Variants in PCDH15 observed in about 807,000 individuals in gnomAD.
PCDH15 encodes protocadherin related 15.
Under a neutral mutation model 178.5 loss-of-function variants are expected in PCDH15, and 129 were observed. That is an observed-to-expected ratio of 0.72 (90% CI 0.63 to 0.84). The LOEUF is 0.84. PCDH15 is among the 40% of genes least tolerant of loss of function. The probability of loss-of-function intolerance (pLI) is 0.00; values close to 1 mark genes in which losing one functional copy is unlikely to be tolerated. For missense variants in PCDH15, 2,230 were observed against 2,099.9 expected, an observed-to-expected ratio of 1.06 and a Z score of -1.21; for synonymous variants, 800 against 732.0, an observed-to-expected ratio of 1.09 and a Z score of -1.50.
chr10:54,731,557 T>TACAC (rs1566067357), intron 1 of PCDH15, among the ~76,000 whole-genome samples: 6 of 48,886 alleles, frequency 1.2e-4, no homozygotes, highest in African/African-American at 2.8e-4. Context: ...TATATATATA[T>TACAC]ATATATACAC....
intron 2 of PCDH15, among the ~76,000 whole-genome samples, chr10:55,396,353 A>T (rs1215124750): frequency 6.6e-6 from 1 of 152,220 alleles, no homozygotes; most frequent in African/African-American, 2.4e-5. Flanking sequence ...TATCTATATA[A>T]ACTATGTTTC....
intron 15 of PCDH15, among the ~76,000 whole-genome samples, chr10:54,116,548 G>C (rs1564457018): frequency 6.6e-6 from 1 of 152,196 alleles, no homozygotes; most frequent in Non-Finnish European, 1.5e-5. Context: ...AGCACATAGG[G>C]AAATTATGAA....
intron 26 of PCDH15, among the ~76,000 whole-genome samples, chr10:53,870,895 A>G (rs2079794000): frequency 1.3e-5 from 2 of 152,306 alleles, no homozygotes; most frequent in African/African-American, 4.8e-5. Context: ...ATCTGGGTCA[A>G]TATGTGAAAA....
At chr10:54,858,061 C>A (rs1342687337) in intron 3 of PCDH15, among the ~76,000 whole-genome samples, 2 of 152,098 alleles carry the variant, frequency 1.3e-5, no homozygotes, top group African/African-American at 4.8e-5. Flanking sequence ...CTAATTGAAA[C>A]CTTATACCTT....
chr10:54,600,933 G>A (rs1176938049), intron 2 of PCDH15, among the ~76,000 whole-genome samples: 1 of 152,002 alleles, frequency 6.6e-6, no homozygotes, highest in Non-Finnish European at 1.5e-5. Context: ...TCACTCAGAA[G>A]GGGAGATGTC....
At position 54,522,087 on chromosome 10, in the gene PCDH15, CAA is replaced by C. The variant is rs11313978; in HGVS notation, c.157+5723_157+5724del. On this transcript the variant is annotated intron_variant, in intron 3 of 37. Coordinates refer to ENST00000644397, the MANE Select transcript of PCDH15 (RefSeq NM_001384140.1). ...TGAGTGACAGAGTGAGAATCCATCTCAAAAAAAAAAAAAAAAAAAAAAAGGAA... is the reference window on the plus strand; with the variant it reads ...TGAGTGACAGAGTGAGAATCCATCTCAAAAAAAAAAAAAAAAAAAAAGGAA... Among the ~76,000 whole-genome samples, 360 of 58,840 alleles carry C rather than the reference CAA, an allele frequency of 6.1e-3. 2 individuals carry two copies. The highest frequency in any genetic ancestry group is 0.04 in the East Asian group (73 of 1,806). 38.6% of individuals were successfully genotyped at this position (58,840 alleles called of 152,430 possible). A position where few individuals can be genotyped will look rare whatever the true frequency, so the allele number is the denominator to read the frequency against.
At chr10:55,526,027 T>G (rs1362594918) in intron 2 of PCDH15, among the ~76,000 whole-genome samples, 1 of 151,990 alleles carries the variant, frequency 6.6e-6, no homozygotes, top group African/African-American at 2.4e-5. Context: ...TTTAAATGTA[T>G]AGTTAACCTA....
intron 1 of PCDH15, among the ~76,000 whole-genome samples, chr10:54,693,973 G>A (rs557302119): frequency 1.3e-5 from 2 of 151,982 alleles, no homozygotes; most frequent in East Asian, 3.9e-4. Flanking sequence ...GATCCAACTA[G>A]GCCTAGGTTT....
intron 2 of PCDH15, among the ~76,000 whole-genome samples, chr10:54,654,443 G>A (rs2094332154): frequency 6.6e-6 from 1 of 152,102 alleles, no homozygotes; most frequent in Non-Finnish European, 1.5e-5. Context: ...GAAAGTTGCA[G>A]GAAAGGTAAA....
chr10:55,131,925 G>C (rs998978010), intron 2 of PCDH15, among the ~76,000 whole-genome samples: 1 of 152,146 alleles, frequency 6.6e-6, no homozygotes, highest in Non-Finnish European at 1.5e-5. Flanking sequence ...TGAAGGTGGG[G>C]CTTCAATAGG....
chr10:53,839,202 C>CAAAA lies in PCDH15; in HGVS notation c.3983+1114_3983+1117dup, dbSNP rs758823713. Among the ~76,000 whole-genome samples, 229 of 73,970 alleles carry CAAAA rather than the reference C, an allele frequency of 3.1e-3. 5 individuals carry two copies. Among genetic ancestry groups the CAAAA allele is most frequent in the East Asian group, 4.4e-3 (11 of 2,498 alleles). 48.5% of individuals were successfully genotyped at this position (73,970 alleles called of 152,430 possible). On this transcript the variant is annotated intron_variant, in intron 29 of 37. Transcript: ENST00000644397. Reference sequence around the variant, plus strand: ...TGGGGCACAGAGTGAGTCTCCGTCTCAAAAAAAAAAAAAAAAAAAAAGAAT... The same window carrying CAAAA: ...TGGGGCACAGAGTGAGTCTCCGTCTCAAAAAAAAAAAAAAAAAAAAAAAAAGAAT...
chr10:54,624,136 A>G (rs1378503050), intron 2 of PCDH15, among the ~76,000 whole-genome samples: 1 of 152,174 alleles, frequency 6.6e-6, no homozygotes, highest in Non-Finnish European at 1.5e-5. Flanking sequence ...GTTTTATAAT[A>G]TTGTTTCTCC....
At chr10:53,996,634 C>A (rs531141207) in intron 20 of PCDH15, among the ~76,000 whole-genome samples, 120 of 152,106 alleles carry the variant, frequency 7.9e-4, no homozygotes, top group African/African-American at 2.6e-3. Flanking sequence ...CTTATCAGGG[C>A]CAAAATAATA....
At chr10:54,944,627 G>C (rs1458836651) in intron 2 of PCDH15, among the ~76,000 whole-genome samples, 1 of 151,862 alleles carries the variant, frequency 6.6e-6, no homozygotes, top group Non-Finnish European at 1.5e-5. Context: ...ATCAGTCAGA[G>C]GTCAGCAGAA....
chr10:55,278,180 A>G (rs1842644383), intron 1 of PCDH15, among the ~76,000 whole-genome samples: 1 of 152,174 alleles, frequency 6.6e-6, no homozygotes, highest in South Asian at 2.1e-4. Flanking sequence ...TAGCTTTGCT[A>G]CTTCAAAGGA....
At chr10:54,519,072 A>C (rs1408564508) in intron 3 of PCDH15, among the ~76,000 whole-genome samples, 1 of 152,208 alleles carries the variant, frequency 6.6e-6, no homozygotes, top group Non-Finnish European at 1.5e-5. Flanking sequence ...CAAAATAATA[A>C]GCGCTATCTA....
At chr10:55,419,866 A>T (rs529971546) in intron 2 of PCDH15, among the ~76,000 whole-genome samples, 29 of 151,878 alleles carry the variant, frequency 1.9e-4, no homozygotes, top group African/African-American at 5.5e-4. Context: ...AAAAAATATG[A>T]ACAGATAGTA....
chr10:55,398,725 A>G (rs1164872004), intron 2 of PCDH15, among the ~76,000 whole-genome samples: 1 of 152,044 alleles, frequency 6.6e-6, no homozygotes, highest in Admixed American at 6.6e-5. Context: ...ATTGTTTACT[A>G]TTTGTCTCAC....
At chr10:55,448,388 C>T (rs1839363238) in intron 2 of PCDH15, among the ~76,000 whole-genome samples, 1 of 151,834 alleles carries the variant, frequency 6.6e-6, no homozygotes, top group Non-Finnish European at 1.5e-5. Flanking sequence ...AAGTACAATT[C>T]TTTAAAAATA....
Sources: gnomAD v4.1 joint callset for allele counts (sites outside exome capture counted in the v4.1 genomes callset) on GRCh38, gnomAD v4.1.1 for gene constraint, MANE v1.5 for transcripts, NCBI Gene and HGNC (gene_info 2026-07-23, HGNC 2026-07-21) for gene names.